The following ZFAT variants were observed in gnomAD, a reference collection of about 807,000 sequenced individuals.
ZFAT encodes the protein zinc finger and AT-hook domain containing.
Under a neutral mutation model 117.7 loss-of-function variants are expected in ZFAT, and 64 were observed. The ratio of observed to expected loss-of-function variants is 0.54; its 90% CI spans 0.44 to 0.67. The LOEUF (loss-of-function observed/expected upper bound fraction) is 0.67. Among genes scored for constraint, ZFAT ranks in the 30% least tolerant of loss-of-function variants. ZFAT has a pLI of 0.00. For missense variants in ZFAT, 1,433 were observed against 1,584.5 expected (o/e 0.90, Z 1.62); for synonymous variants, 679 against 615.0 (o/e 1.10, Z -1.54).
At chr8:134,571,179 T>C (rs1293016845) in intron 10 of ZFAT, among the ~76,000 whole-genome samples, 1 of 152,026 alleles carries the variant, frequency 6.6e-6, no homozygotes, top group Non-Finnish European at 1.5e-5. Flanking sequence ...GTCCAACAAA[T>C]AATTACCAAC....
At chr8:134,667,816 C>T (rs1167054770) in intron 1 of ZFAT, among the ~76,000 whole-genome samples, 6 of 152,114 alleles carry the variant, frequency 3.9e-5, no homozygotes, top group Non-Finnish European at 7.4e-5. Context: ...CGAGGCATCA[C>T]CTCACCCGGG....
intron 11 of ZFAT, among the ~76,000 whole-genome samples, chr8:134,562,550 G>A (rs9792223): frequency 0.11 from 16,753 of 152,148 alleles, 1,133 homozygotes; most frequent in East Asian, 0.34. Flanking sequence ...ACCCTAAGTT[G>A]TGGGATGAGA....
chr8:134,805,709 A>T, the ZFAT span, among the ~76,000 whole-genome samples: 3 of 152,200 alleles, frequency 2.0e-5, no homozygotes, highest in Non-Finnish European at 2.9e-5. Flanking sequence ...ACAGTGGCTC[A>T]TGTCTATAAT....
intron 15 of ZFAT, among the ~76,000 whole-genome samples, chr8:134,505,196 C>T (rs2130315632): frequency 6.6e-6 from 1 of 152,350 alleles, no homozygotes; most frequent in East Asian, 1.9e-4. Context: ...AAAACGTAAG[C>T]TTCTCGACCA....
intron 1 of ZFAT, among the ~76,000 whole-genome samples, chr8:134,672,020 T>G (rs541519729): frequency 3.9e-5 from 6 of 152,214 alleles, no homozygotes; most frequent in African/African-American, 1.4e-4. Context: ...TCAAAGAGAA[T>G]AAAATACCTA....
the ZFAT span, among the ~76,000 whole-genome samples, chr8:134,718,583 G>C: frequency 1.3e-5 from 2 of 152,066 alleles, no homozygotes; most frequent in Non-Finnish European, 2.9e-5. Context: ...ACAGGGCCAT[G>C]AAAAAAGGGG....
chr8:134,484,685 A>G (rs1817547679), intron 15 of ZFAT, among the ~76,000 whole-genome samples: 1 of 152,254 alleles, frequency 6.6e-6, no homozygotes. Context: ...CAAGCCACAC[A>G]GCACTTTGGT....
In ZFAT at chr8:134,658,682, A is replaced by G. The variant is rs114825840; in HGVS notation, c.20-945T>C. Among the ~76,000 whole-genome samples, 1,333 of 152,360 alleles carry G rather than the reference A, an allele frequency of 8.7e-3. 27 individuals are homozygous for G. The highest frequency in any genetic ancestry group is 0.03 in the African/African-American group (1,265 of 41,576). On this transcript the variant is annotated intron_variant, in intron 1 of 15. Transcript: ENST00000377838. ...AAATAATTATAGGTATATACAAAAT[A>G]TTAAATTCAGGATTCAATAACAATT...
At chr8:134,557,724 C>T (rs7846013) in intron 11 of ZFAT, among the ~76,000 whole-genome samples, 59,747 of 151,944 alleles carry the variant, frequency 0.39, 12,424 homozygotes, top group East Asian at 0.62. Context: ...ACATAGAAAA[C>T]AGACACCAAG....
At chr8:134,572,534 G>T (rs575809992) in intron 10 of ZFAT, among the ~76,000 whole-genome samples, 3 of 152,162 alleles carry the variant, frequency 2.0e-5, no homozygotes, top group South Asian at 2.1e-4. Context: ...GACTGGCTAC[G>T]CACTGACTTA....
At position 134,600,612 on chromosome 8, in the gene ZFAT, C is replaced by G; in HGVS notation, c.2299G>C (p.Glu767Gln). 6.2e-7 allele frequency: 1 copy of G among 1,613,640 alleles called. No individual in the cohort carries two copies. The highest frequency in any genetic ancestry group is 1.7e-5 in the Admixed American group (1 of 59,994). The part of the protein sequence containing the change: ...FDMHVRTHTR[E>Q]HLYYCSQCHY... ...CACTGAGAGCAATAATACAGATGTT[C>G]CCGGGTGTGGGTGCGGACATGCATA... Residue 767 changes from glutamate to glutamine, a missense_variant, in exon 7 of 16, where the codon GAA becomes CAA. By Grantham distance (29) the Glu-to-Gln change is conservative. Around this residue, in one of 5 missense-constraint regions of ZFAT, gnomAD observed 49 missense variants for 81.5 expected, o/e 0.60. Coordinates refer to ENST00000377838, the MANE Select transcript of ZFAT (RefSeq NM_020863.4).
chr8:134,541,438 A>G (rs781668995), intron 11 of ZFAT, among the ~76,000 whole-genome samples: 4 of 152,164 alleles, frequency 2.6e-5, no homozygotes, highest in Non-Finnish European at 5.9e-5. Flanking sequence ...AGGCTCTCAA[A>G]CAGATGCAGC....
intron 11 of ZFAT, among the ~76,000 whole-genome samples, chr8:134,560,759 G>A (rs1823988773): frequency 6.6e-6 from 1 of 152,148 alleles, no homozygotes; most frequent in South Asian, 2.1e-4. Context: ...GGATTTGGAA[G>A]AAAGCAAAGA....
At chr8:134,572,083 G>C (rs910708330) in intron 10 of ZFAT, among the ~76,000 whole-genome samples, 30 of 152,278 alleles carry the variant, frequency 2.0e-4, no homozygotes, top group African/African-American at 6.0e-4. Context: ...GAAAATAAGG[G>C]AATGGTTACA....
chr8:134,790,832 C>T, the ZFAT span, among the ~76,000 whole-genome samples: 4 of 151,604 alleles, frequency 2.6e-5, no homozygotes, highest in Non-Finnish European at 5.9e-5. Context: ...TCGGGCAACA[C>T]AGTGAGACTC....
intron 5 of ZFAT, among the ~76,000 whole-genome samples, chr8:134,605,907 C>A (rs1297885804): frequency 6.6e-6 from 1 of 152,156 alleles, no homozygotes; most frequent in African/African-American, 2.4e-5. Context: ...AGTAAGCAGA[C>A]AAGGACCATC....
At chr8:134,618,300 A>G (rs1828883021) in intron 3 of ZFAT, among the ~76,000 whole-genome samples, 1 of 152,216 alleles carries the variant, frequency 6.6e-6, no homozygotes, top group African/African-American at 2.4e-5. Flanking sequence ...ATCTTGTGCA[A>G]TCGTGGCAAC....
At chr8:134,807,709 T>C in the ZFAT span, among the ~76,000 whole-genome samples, 2 of 148,168 alleles carry the variant, frequency 1.3e-5, no homozygotes, top group Non-Finnish European at 3.0e-5. Context: ...TGCCCCCAAT[T>C]ACATGGAAAA....
chr8:134,646,403 T>C (rs1428090110), intron 2 of ZFAT, among the ~76,000 whole-genome samples: 3 of 151,994 alleles, frequency 2.0e-5, no homozygotes, highest in Admixed American at 6.6e-5. Flanking sequence ...CCAAAACTTA[T>C]AGGATGTAGC....
Sources: gnomAD v4.1 joint callset for allele counts (sites outside exome capture counted in the v4.1 genomes callset) on GRCh38, gnomAD v4.1.1 for gene constraint, gnomAD v4.1.1 regional missense constraint, MANE v1.5 for transcripts, NCBI Gene and HGNC (gene_info 2026-07-23, HGNC 2026-07-21) for gene names.